Variants in DDHD1 observed in about 807,000 individuals in gnomAD.
DDHD1 encodes phospholipase DDHD1.
A neutral mutation model predicts 96.4 loss-of-function variants in DDHD1; 49 were observed. The ratio of observed to expected loss-of-function variants is 0.51; its 90% CI spans 0.40 to 0.64. The LOEUF (loss-of-function observed/expected upper bound fraction) is 0.64, where lower values mean the gene tolerates loss of function less well. Ranked by LOEUF, DDHD1 falls within the 30% of genes least tolerant of loss-of-function variation. The probability of loss-of-function intolerance (pLI) is 0.00; values close to 1 mark genes in which losing one functional copy is unlikely to be tolerated. For missense variants in DDHD1, 1,106 were observed against 1,161.2 expected, an observed-to-expected ratio of 0.95 and a Z score of 0.69; for synonymous variants, 442 against 446.5, an observed-to-expected ratio of 0.99 and a Z score of 0.13.
chr14:53,093,341 A>C lies in DDHD1; in HGVS notation c.1116T>G (p.Val372=), dbSNP rs1886597944. 5 of 1,611,692 alleles carry C rather than the reference A, an allele frequency of 3.1e-6. No individual in the cohort carries two copies. The South Asian group carries it at 5.5e-5, about 18-fold the overall frequency. Residue 372 remains valine (V), a synonymous_variant, in exon 3 of 13, where the codon GTT becomes GTG. Transcript: ENST00000673822. ...DATTSKIART[V]TQKLGFSKAS... is the part of the protein sequence containing the mutation. ...CTTTAGAAAATCCCAGTTTTTGGGTAACTGTTCTTGCAATTTTAGATGTTG... is the reference window on the plus strand; with the variant it reads ...CTTTAGAAAATCCCAGTTTTTGGGTCACTGTTCTTGCAATTTTAGATGTTG...
At position 53,045,014 on chromosome 14, in the gene DDHD1, G is replaced by A. The variant is rs151100611; in HGVS notation, c.*1754C>T. On this transcript the variant is annotated 3_prime_UTR_variant, in exon 13 of 13. Coordinates refer to ENST00000673822, the MANE Select transcript of DDHD1 (RefSeq NM_001160148.2). Reference sequence around the variant, plus strand: ...AGTGAGGGTTGTGTGCAACAGGGATGGCTACTGATCCCCTCTAGGTAACTC... The same window carrying A: ...AGTGAGGGTTGTGTGCAACAGGGATAGCTACTGATCCCCTCTAGGTAACTC... The A allele has an allele frequency of 1.3e-3, 201 of 152,288 alleles. No individual in the cohort carries two copies. The highest frequency in any genetic ancestry group is 4.6e-3 in the African/African-American group (193 of 41,558). 9.4% of individuals were successfully genotyped at this position (152,288 alleles called of 1,614,324 possible). A position where few individuals can be genotyped will look rare whatever the true frequency, so the allele number is the denominator to read the frequency against.
intron 12 of DDHD1, among the ~76,000 whole-genome samples, chr14:53,051,197 A>ATTT (rs547082867): frequency 6.8e-6 from 1 of 148,088 alleles, no homozygotes; most frequent in African/African-American, 2.5e-5. Context: ...AAAATCCAGC[A>ATTT]TTTTTTTTTT....
chr14:53,074,581 G>A (rs1333297443), intron 4 of DDHD1, among the ~76,000 whole-genome samples: 2 of 151,638 alleles, frequency 1.3e-5, no homozygotes. Context: ...TATTTTCCCA[G>A]TTGGACTATA....
At position 53,152,305 on chromosome 14, in the gene DDHD1, T is replaced by C. The variant is rs769991180; in HGVS notation, c.794A>G (p.Glu265Gly). 3 of 1,613,682 alleles carry C rather than the reference T, an allele frequency of 1.9e-6. No individual in the cohort carries two copies. The highest frequency in any genetic ancestry group is 2.2e-5 in the East Asian group (1 of 44,870). The change falls in exon 1 of 13, where the codon GAG (glutamate) becomes GGG (glycine). Residue 265 changes from glutamate to glycine, a missense_variant. This residue lies in a region of DDHD1 where 456 missense variants were observed against 402.4 expected (regional missense o/e 1.13). Coordinates refer to ENST00000673822, the MANE Select transcript of DDHD1 (RefSeq NM_001160148.2). The part of the protein sequence containing the change: ...EPVCVRGGLY[E>G]VDVTQGECYP... ...GCACTCTCCTTGGGTCACATCCACC[T>C]CGTAGAGGCCGCCCCGCACGCACAC... is the stretch of plus-strand genomic sequence containing the variant.
intron 2 of DDHD1, among the ~76,000 whole-genome samples, chr14:53,094,394 G>A (rs922509643): frequency 2.6e-5 from 4 of 152,124 alleles, no homozygotes; most frequent in African/African-American, 9.7e-5. Context: ...ATGTTTTTCT[G>A]CCATGATGTT....
chr14:53,130,462 T>C (rs964980397), intron 1 of DDHD1, among the ~76,000 whole-genome samples: 1 of 152,130 alleles, frequency 6.6e-6, no homozygotes, highest in Non-Finnish European at 1.5e-5. Flanking sequence ...ATTCTCAACA[T>C]ACATTTTATT....
At chr14:53,053,774 A>G (rs1335875215) in intron 11 of DDHD1, 1 of 152,188 alleles carries the variant, frequency 6.6e-6, no homozygotes, top group Non-Finnish European at 1.5e-5. Context: ...ACACCTAAAA[A>G]TAATGTTCAA....
chr14:53,145,430 G>A (rs1435542848), intron 1 of DDHD1, among the ~76,000 whole-genome samples: 2 of 148,036 alleles, frequency 1.4e-5, no homozygotes, highest in Non-Finnish European at 3.0e-5. Context: ...CTGAGCCTGG[G>A]AGGTCAAGGC....
chr14:53,057,320 G>C (rs1171605546), intron 9 of DDHD1, among the ~76,000 whole-genome samples: 1 of 152,156 alleles, frequency 6.6e-6, no homozygotes, highest in Non-Finnish European at 1.5e-5. Context: ...TCCCAAAGAA[G>C]TATTAAGGGG....
chr14:53,099,455 A>G lies in DDHD1; in HGVS notation c.1012+4228T>C, dbSNP rs1297696147. ...CCTCAATATTTACTTGTCTTTCATG[A>G]CCTTGACACTTTTGAAGACTGCTGG... On this transcript the variant is annotated intron_variant, in intron 2 of 12. Coordinates refer to ENST00000673822, the MANE Select transcript of DDHD1 (RefSeq NM_001160148.2). 2.4e-4 allele frequency among the ~76,000 whole-genome samples: 36 copies of G among 152,080 alleles called. 1 individual carries two copies. Among genetic ancestry groups the G allele is most frequent in the Admixed American group, 2.4e-3 (36 of 15,272 alleles).
chr14:53,112,951 G>A (rs185351984), intron 1 of DDHD1, among the ~76,000 whole-genome samples: 2 of 151,960 alleles, frequency 1.3e-5, no homozygotes, highest in African/African-American at 2.4e-5. Context: ...TAATTTAAAC[G>A]TGACTTTCAC....
intron 1 of DDHD1, among the ~76,000 whole-genome samples, chr14:53,117,049 AATAGGCACATGAAAATG>A (rs769661611): frequency 8.3e-4 from 127 of 152,226 alleles, no homozygotes; most frequent in Non-Finnish European, 1.4e-3. Context: ...AGAAGAATCA[AATAGGCACATGAAAATG>A]ATAAAAGGGA....
At chr14:53,051,823 T>A in intron 12 of DDHD1, 21 bp downstream of exon 12, 1 of 1,548,724 alleles carries the variant, frequency 6.5e-7, no homozygotes. Context: ...TTCTGAATGC[T>A]ATTCCTGACA....
intron 11 of DDHD1, chr14:53,052,947 T>G (rs1882731329): frequency 6.7e-6 from 1 of 149,486 alleles, no homozygotes; most frequent in African/African-American, 2.4e-5. Flanking sequence ...TGGGGGTTTC[T>G]CTATTATTTT....
intron 2 of DDHD1, chr14:53,103,215 G>A: frequency 1.8e-6 from 1 of 545,552 alleles, no homozygotes; most frequent in East Asian, 3.3e-5. Context: ...GTAATGAGTA[G>A]ATTGTTTCAA....
At chr14:53,118,068 G>A (rs1005417748) in intron 1 of DDHD1, among the ~76,000 whole-genome samples, 3 of 152,168 alleles carry the variant, frequency 2.0e-5, no homozygotes, top group African/African-American at 4.8e-5. Flanking sequence ...GCAGCTGAGG[G>A]ACCTGACTGT....
At chr14:53,139,276 C>T (rs1223994776) in intron 1 of DDHD1, among the ~76,000 whole-genome samples, 1 of 152,058 alleles carries the variant, frequency 6.6e-6, no homozygotes, top group African/African-American at 2.4e-5. Flanking sequence ...AATGTCCCTT[C>T]CCCACTCTCG....
intron 1 of DDHD1, 121 bp downstream of exon 1, chr14:53,152,135 TGCCCC>T: frequency 4.0e-6 from 4 of 989,554 alleles, no homozygotes; most frequent in Admixed American, 6.5e-5. Flanking sequence ...ATCTCCATCC[TGCCCC>T]AGCCAAACGC....
intron 1 of DDHD1, among the ~76,000 whole-genome samples, chr14:53,138,919 G>A (rs909514854): frequency 6.6e-6 from 1 of 152,046 alleles, no homozygotes; most frequent in African/African-American, 2.4e-5. Context: ...GTTGGGAGAG[G>A]GGAACAGTGG....
Sources: gnomAD v4.1 joint callset for allele counts (sites outside exome capture counted in the v4.1 genomes callset) on GRCh38, gnomAD v4.1.1 for gene constraint, gnomAD v4.1.1 regional missense constraint, MANE v1.5 for transcripts, NCBI Gene and HGNC (gene_info 2026-07-23, HGNC 2026-07-21) for gene names.